The following KAZN variants were observed in gnomAD, a reference collection of about 807,000 sequenced individuals.
The protein encoded by KAZN is kazrin, periplakin interacting protein.
Under a neutral mutation model 87.4 loss-of-function variants are expected in KAZN, and 40 were observed. The ratio of observed to expected loss-of-function variants is 0.46; its 90% CI spans 0.36 to 0.60. The LOEUF (loss-of-function observed/expected upper bound fraction) is 0.60, where lower values mean the gene tolerates loss of function less well. Among genes scored for constraint, KAZN ranks in the 20% least tolerant of loss-of-function variants. KAZN has a pLI of 0.00. For synonymous variants in KAZN, 466 were observed against 458.3 expected (o/e 1.02, Z -0.22); for missense variants, 898 against 1,073.9 (o/e 0.84, Z 2.29).
At chr1:14,189,964 C>T (rs139098914) in intron 2 of KAZN, among the ~76,000 whole-genome samples, 3,041 of 152,138 alleles carry the variant, frequency 0.02, 52 homozygotes, top group Non-Finnish European at 0.029. Flanking sequence ...TTAGAGGGCA[C>T]GAACTGTGTT....
chr1:14,472,466 A>C (rs554666204), intron 2 of KAZN, among the ~76,000 whole-genome samples: 4 of 152,290 alleles, frequency 2.6e-5, no homozygotes, highest in African/African-American at 9.6e-5. Context: ...GGCTGGAATT[A>C]AGTGTTTTGC....
At chr1:14,527,123 T>G (rs1671913746) in intron 2 of KAZN, among the ~76,000 whole-genome samples, 2 of 152,236 alleles carry the variant, frequency 1.3e-5, no homozygotes, top group African/African-American at 4.8e-5. Context: ...TAAGCTCATC[T>G]GGGTGGTCCT....
At chr1:14,336,931 A>C in intron 2 of KAZN, among the ~76,000 whole-genome samples, 1 of 152,160 alleles carries the variant, frequency 6.6e-6, no homozygotes, top group East Asian at 1.9e-4. Context: ...TTGGTGTACA[A>C]AGTTTTTAAT....
At chr1:14,002,402 A>G (rs531855098) in intron 1 of KAZN, among the ~76,000 whole-genome samples, 6 of 152,292 alleles carry the variant, frequency 3.9e-5, no homozygotes, top group African/African-American at 1.4e-4. Flanking sequence ...TCTTCTAGTG[A>G]TAGTGAATAA....
chr1:15,049,687 A>G (rs1245093361), intron 4 of KAZN, among the ~76,000 whole-genome samples: 2 of 152,128 alleles, frequency 1.3e-5, no homozygotes, highest in Non-Finnish European at 2.9e-5. Context: ...GACCCTTGAC[A>G]AGGGACTTAA....
intron 2 of KAZN, among the ~76,000 whole-genome samples, chr1:14,964,226 C>T (rs1486015814): frequency 1.3e-5 from 2 of 152,118 alleles, no homozygotes; most frequent in Non-Finnish European, 2.9e-5. Flanking sequence ...CCCCATGATT[C>T]CTTTGCTGAG....
At chr1:14,081,061 A>G (rs1005251671) in intron 1 of KAZN, among the ~76,000 whole-genome samples, 2 of 151,680 alleles carry the variant, frequency 1.3e-5, no homozygotes, top group South Asian at 2.1e-4. Context: ...AAATTATCCA[A>G]TGGATACATC....
In KAZN at chr1:15,066,393, G is replaced by C; in HGVS notation, c.1222+640G>C. 1.0e-6 allele frequency: 1 copy of C among 984,736 alleles called. No homozygotes were observed. Among genetic ancestry groups the C allele is most frequent in the Non-Finnish European group, 1.2e-6 (1 of 829,878 alleles). The allele number at this position is 984,736 out of a possible 1,614,324, so 61.0% of individuals were successfully genotyped here. A position where few individuals can be genotyped will look rare whatever the true frequency, so the allele number is the denominator to read the frequency against. Reference sequence around the variant, plus strand: ...GACCCTGTCCTGGGGGTGCGCCCAAGTCACTTTAACCACAAAACGCCATCG... The same window carrying C: ...GACCCTGTCCTGGGGGTGCGCCCAACTCACTTTAACCACAAAACGCCATCG... On this transcript the variant is annotated intron_variant, in intron 8 of 14. Coordinates refer to ENST00000376030, the MANE Select transcript of KAZN (RefSeq NM_201628.3). The surrounding 1 kb of genome is among the most constrained non-coding windows in gnomAD (Gnocchi z 4.3).
intron 2 of KAZN, among the ~76,000 whole-genome samples, chr1:14,990,285 C>A (rs571529749): frequency 6.6e-6 from 1 of 152,140 alleles, no homozygotes; most frequent in African/African-American, 2.4e-5. Flanking sequence ...TGCAGTGGAG[C>A]GATCTCCGCT....
At chr1:14,351,094 A>G (rs1658520320) in intron 2 of KAZN, 1 of 152,250 alleles carries the variant, frequency 6.6e-6, no homozygotes, top group Non-Finnish European at 1.5e-5. Context: ...AGTGGGCTCC[A>G]GGTCCTGAAT....
chr1:15,067,143 G>A, intron 8 of KAZN: 1 of 985,690 alleles, frequency 1.0e-6, no homozygotes. Context: ...GATGCAGGTG[G>A]GCCAGGCAGG....
At chr1:14,057,999 G>A (rs1379248760) in intron 1 of KAZN, among the ~76,000 whole-genome samples, 1 of 152,166 alleles carries the variant, frequency 6.6e-6, no homozygotes, top group East Asian at 1.9e-4. Context: ...AAATTCAATG[G>A]AACTTCTCCA....
At chr1:14,475,354 AATATATAC>A (rs1668661380) in intron 2 of KAZN, among the ~76,000 whole-genome samples, 1 of 152,246 alleles carries the variant, frequency 6.6e-6, no homozygotes, top group African/African-American at 2.4e-5. Context: ...AGAGGACTTT[AATATATAC>A]GTTCGGAAAA....
chr1:14,514,593 TTTTATATATATATATATATATATA>T (rs1390359208), intron 2 of KAZN, among the ~76,000 whole-genome samples: 2 of 28,272 alleles, frequency 7.1e-5, no homozygotes, highest in African/African-American at 1.1e-4. Flanking sequence ...TTTTTTTATA[TTTTATATATATATATATATATATA>T]TATATATATA....
chr1:14,536,703 G>A (rs1047224081), intron 2 of KAZN, among the ~76,000 whole-genome samples: 17 of 152,110 alleles, frequency 1.1e-4, no homozygotes, highest in Admixed American at 1.3e-4. Context: ...TCAACATGGC[G>A]AAACCCTGTC....
chr1:14,338,517 AGAGT>A (rs1657448957), intron 2 of KAZN, among the ~76,000 whole-genome samples: 1 of 149,090 alleles, frequency 6.7e-6, no homozygotes, highest in South Asian at 2.2e-4. Context: ...AGAGAGAGAG[AGAGT>A]GAGAGAGAGA....
At chr1:14,434,317 A>C (rs1666255893) in intron 2 of KAZN, among the ~76,000 whole-genome samples, 1 of 152,122 alleles carries the variant, frequency 6.6e-6, no homozygotes, top group South Asian at 2.1e-4. Flanking sequence ...ACCGGTTCAG[A>C]ATTCAAGTCT....
At chr1:13,979,374 T>C (rs1000912479) in intron 1 of KAZN, among the ~76,000 whole-genome samples, 1 of 152,030 alleles carries the variant, frequency 6.6e-6, no homozygotes, top group African/African-American at 2.4e-5. Flanking sequence ...CAGGTGACAA[T>C]AGAATGACAT....
chr1:14,697,082 A>G (rs1641644894), intron 1 of KAZN, among the ~76,000 whole-genome samples: 1 of 151,110 alleles, frequency 6.6e-6, no homozygotes. Flanking sequence ...GCTTGAGCCC[A>G]GGAGTTTTAG....
Sources: gnomAD v4.1 joint callset for allele counts (sites outside exome capture counted in the v4.1 genomes callset) on GRCh38, gnomAD v4.1.1 for gene constraint, Gnocchi (gnomAD v3.1) non-coding constraint, MANE v1.5 for transcripts, NCBI Gene and HGNC (gene_info 2026-07-23, HGNC 2026-07-21) for gene names.